The following GABRB1 variants were observed in gnomAD, a reference collection of about 807,000 sequenced individuals.
GABRB1 encodes the protein gamma-aminobutyric acid receptor subunit beta-1.
In GABRB1, 17 loss-of-function variants were observed where a neutral mutation model predicts 51.6. The ratio of observed to expected loss-of-function variants is 0.33; its 90% CI spans 0.23 to 0.49. The LOEUF (loss-of-function observed/expected upper bound fraction) is 0.49. Ranked by LOEUF, GABRB1 falls within the 20% of genes least tolerant of loss-of-function variation. The pLI, the probability that GABRB1 is intolerant of heterozygous loss-of-function variation, is 0.99. For synonymous variants in GABRB1, 247 were observed against 218.9 expected (o/e 1.13, Z -1.14); for missense variants, 410 against 600.6 (o/e 0.68, Z 3.32).
chr4:47,349,745 G>A (rs576528310), intron 5 of GABRB1, among the ~76,000 whole-genome samples: 34 of 152,256 alleles, frequency 2.2e-4, no homozygotes, highest in South Asian at 1.9e-3. Flanking sequence ...ACGCCCATGC[G>A]GATTTGTCTC....
At chr4:47,352,757 T>A (rs1020136044) in intron 5 of GABRB1, among the ~76,000 whole-genome samples, 1 of 152,238 alleles carries the variant, frequency 6.6e-6, no homozygotes, top group African/African-American at 2.4e-5. Context: ...TTATTTTGGT[T>A]TGCACATTTG....
chr4:47,112,038 C>T (rs1293794333), intron 3 of GABRB1, among the ~76,000 whole-genome samples: 5 of 149,090 alleles, frequency 3.4e-5, no homozygotes, highest in African/African-American at 9.9e-5. Context: ...GGCACGATCT[C>T]GGCTCACTGC....
chr4:47,123,707 TATG>T (rs1434497389), intron 3 of GABRB1, among the ~76,000 whole-genome samples: 1 of 7,710 alleles, frequency 1.3e-4, no homozygotes, highest in Non-Finnish European at 2.8e-4. Context: ...ATATATATAA[TATG>T]ATATATGATA....
intron 8 of GABRB1, among the ~76,000 whole-genome samples, 174 bp from the exon 9 acceptor site, chr4:47,425,499 TA>T (rs2110070614): frequency 6.7e-6 from 1 of 149,034 alleles, no homozygotes; most frequent in African/African-American, 2.5e-5. Context: ...GATAGATAGA[TA>T]GATAGATAGA....
chr4:47,038,968 G>C (rs1242382772), intron 3 of GABRB1, among the ~76,000 whole-genome samples: 1 of 152,032 alleles, frequency 6.6e-6, no homozygotes, highest in East Asian at 1.9e-4. Flanking sequence ...AAATACTTCT[G>C]TTTTCAGTAG....
In GABRB1 at chr4:47,277,625, G is replaced by T. The variant is rs559654482; in HGVS notation, c.462-42502G>T. On this transcript the variant is annotated intron_variant, in intron 4 of 8. Coordinates refer to ENST00000295454, the MANE Select transcript of GABRB1 (RefSeq NM_000812.4). ...AAAACATCTCATGTATCCCATAAAT[G>T]TATATGCCTACTATGTGCCCACAAA... Among the ~76,000 whole-genome samples the T allele has an allele frequency of 1.9e-3, 294 of 151,926 alleles. 1 individual carries two copies. The highest frequency in any genetic ancestry group is 3.0e-3 in the Non-Finnish European group (203 of 67,938).
chr4:47,246,293 TATATATAC>T (rs1210404962), intron 4 of GABRB1, among the ~76,000 whole-genome samples: 2 of 93,292 alleles, frequency 2.1e-5, no homozygotes, highest in East Asian at 3.1e-4. Context: ...TATATATATA[TATATATAC>T]ACACACACAC....
At chr4:47,054,970 A>T (rs1017096066) in intron 3 of GABRB1, among the ~76,000 whole-genome samples, 1 of 151,852 alleles carries the variant, frequency 6.6e-6, no homozygotes, top group Admixed American at 6.6e-5. Flanking sequence ...TATTTTTAAA[A>T]CTCCTAACCA....
chr4:47,088,982 AC>A (rs1477909772), intron 3 of GABRB1, among the ~76,000 whole-genome samples: 1 of 152,148 alleles, frequency 6.6e-6, no homozygotes, highest in East Asian at 1.9e-4. Flanking sequence ...CATCTGCTGG[AC>A]TTTTCTTCTT....
At chr4:47,297,495 C>G (rs2109932203) in intron 4 of GABRB1, among the ~76,000 whole-genome samples, 1 of 152,180 alleles carries the variant, frequency 6.6e-6, no homozygotes, top group East Asian at 1.9e-4. Context: ...CACAAATAAA[C>G]TAGAGAATCT....
At chr4:47,361,666 A>C (rs900723762) in intron 5 of GABRB1, among the ~76,000 whole-genome samples, 3 of 152,188 alleles carry the variant, frequency 2.0e-5, no homozygotes, top group Non-Finnish European at 4.4e-5. Context: ...GGTGATGGAA[A>C]AAAACTGGAC....
chr4:47,345,087 CA>C (rs2109991344), intron 5 of GABRB1, among the ~76,000 whole-genome samples: 1 of 152,326 alleles, frequency 6.6e-6, no homozygotes, highest in East Asian at 1.9e-4. Context: ...CATTTATCTA[CA>C]CTATTAAAAT....
chr4:47,390,049 T>C (rs527945754), intron 5 of GABRB1, among the ~76,000 whole-genome samples: 165 of 152,364 alleles, frequency 1.1e-3, no homozygotes, highest in African/African-American at 3.8e-3. Context: ...CATTCATGTT[T>C]GCAAACAGCT....
intron 1 of GABRB1, among the ~76,000 whole-genome samples, chr4:47,013,137 T>TTGTG (rs1189477405): frequency 1.8e-5 from 1 of 56,220 alleles, no homozygotes; most frequent in African/African-American, 5.5e-5. Context: ...ACAAATTGCA[T>TTGTG]TCTGTGTGTG....
chr4:47,110,046 G>C (rs1156965219), intron 3 of GABRB1, among the ~76,000 whole-genome samples: 1 of 152,132 alleles, frequency 6.6e-6, no homozygotes, highest in African/African-American at 2.4e-5. Context: ...CTGTAACCAG[G>C]AAATTAGTCA....
At chr4:47,219,138 C>T (rs1720666546) in intron 4 of GABRB1, among the ~76,000 whole-genome samples, 1 of 151,672 alleles carries the variant, frequency 6.6e-6, no homozygotes, top group Non-Finnish European at 1.5e-5. Flanking sequence ...TTATGAGAAT[C>T]AAGTGAAATC....
intron 4 of GABRB1, among the ~76,000 whole-genome samples, chr4:47,251,267 A>G (rs532513432): frequency 1.9e-4 from 29 of 152,048 alleles, no homozygotes; most frequent in Admixed American, 5.2e-4. Flanking sequence ...CTGGTACTGG[A>G]GTTATCTGCA....
chr4:47,215,650 A>G lies in GABRB1; in HGVS notation c.461+54181A>G, dbSNP rs1029804328. Among the ~76,000 whole-genome samples the G allele has an allele frequency of 7.2e-5, 11 of 152,246 alleles. No individual in the cohort carries two copies. The East Asian group carries it at 2.1e-3, about 29-fold the overall frequency. On this transcript the variant is annotated intron_variant, in intron 4 of 8. Coordinates refer to ENST00000295454, the MANE Select transcript of GABRB1 (RefSeq NM_000812.4). ...ATGAGGATAAGAATAAGAAGGATCA[A>G]TCATATTTTAGAATAATTGTTAAAT...
At chr4:47,257,207 G>A (rs1158378101) in intron 4 of GABRB1, among the ~76,000 whole-genome samples, 1 of 152,118 alleles carries the variant, frequency 6.6e-6, no homozygotes, top group Non-Finnish European at 1.5e-5. Flanking sequence ...AAGTAGAATA[G>A]GACCTATCTA....
Sources: allele counts gnomAD v4.1 joint callset (sites outside exome capture counted in the v4.1 genomes callset), GRCh38; gene constraint gnomAD v4.1.1; transcripts MANE v1.5; gene names NCBI Gene and HGNC (gene_info 2026-07-23, HGNC 2026-07-21).